The following LRRC4C variants were observed in gnomAD, a reference collection of about 807,000 sequenced individuals.
LRRC4C encodes leucine-rich repeat-containing protein 4C.
A neutral mutation model predicts 33.6 loss-of-function variants in LRRC4C; 5 were observed. That is an observed-to-expected ratio of 0.15 (90% CI 0.08 to 0.31). LRRC4C has a LOEUF of 0.31. LRRC4C is among the 10% of genes least tolerant of loss of function. The pLI is 1.00. For missense variants in LRRC4C, 560 were observed against 796.7 expected (o/e 0.70, Z 3.58); for synonymous variants, 329 against 302.0 (o/e 1.09, Z -0.93).
chr11:40,192,680 C>A (rs148268240), intron 5 of LRRC4C, among the ~76,000 whole-genome samples: 6 of 152,242 alleles, frequency 3.9e-5, no homozygotes, highest in African/African-American at 1.4e-4. Context: ...TCCCATGGAG[C>A]CCAACAAGCT....
chr11:40,340,153 C>T (rs1300110556), intron 3 of LRRC4C, among the ~76,000 whole-genome samples: 4 of 152,094 alleles, frequency 2.6e-5, no homozygotes, highest in African/African-American at 4.8e-5. Flanking sequence ...TGCCCAAGCA[C>T]GTGGTTATTT....
intron 1 of LRRC4C, among the ~76,000 whole-genome samples, chr11:41,260,891 A>G (rs1265697386): frequency 6.6e-6 from 1 of 152,124 alleles, no homozygotes; most frequent in African/African-American, 2.4e-5. Flanking sequence ...AGTATGTATA[A>G]GACATTATTA....
At chr11:40,809,851 C>A (rs932885849) in intron 2 of LRRC4C, among the ~76,000 whole-genome samples, 2 of 152,114 alleles carry the variant, frequency 1.3e-5, no homozygotes, top group African/African-American at 2.4e-5. Flanking sequence ...AATAGGAAGA[C>A]CTCATTTTGA....
chr11:41,359,397 A>G (rs1952271047), intron 1 of LRRC4C, among the ~76,000 whole-genome samples: 3 of 151,954 alleles, frequency 2.0e-5, no homozygotes, highest in Non-Finnish European at 4.4e-5. Flanking sequence ...CAAATGTACT[A>G]CTCGAGGGGG....
At position 40,279,571 on chromosome 11, in the gene LRRC4C, G is replaced by A. The variant is rs1450713388; in HGVS notation, c.-175-37973C>T. On this transcript the variant is annotated intron_variant, in intron 4 of 6. Transcript: ENST00000528697. ...AATAATAGCTTGAGTATTTCCATGTGCCAAGCACTTTGCTAAAAGTTCTAT... is the reference window on the plus strand; with the variant it reads ...AATAATAGCTTGAGTATTTCCATGTACCAAGCACTTTGCTAAAAGTTCTAT... Among the ~76,000 whole-genome samples the A allele has an allele frequency of 2.0e-5, 3 of 152,144 alleles. No individual in the cohort carries two copies. The East Asian group carries it at 5.8e-4, about 29-fold the overall frequency.
chr11:40,590,349 A>C (rs138155872), intron 3 of LRRC4C, among the ~76,000 whole-genome samples: 19,218 of 120,754 alleles, frequency 0.16, 1,949 homozygotes, highest in Middle Eastern at 0.21. Context: ...AAGCACTTCT[A>C]TGTATTGGTT....
chr11:41,380,069 G>A (rs956323595), intron 1 of LRRC4C, among the ~76,000 whole-genome samples: 2 of 152,216 alleles, frequency 1.3e-5, no homozygotes, highest in Non-Finnish European at 2.9e-5. Context: ...AAATTTTAAG[G>A]AGGTAAACTG....
intron 1 of LRRC4C, among the ~76,000 whole-genome samples, chr11:41,094,600 C>T (rs1414081426): frequency 6.6e-6 from 1 of 152,184 alleles, no homozygotes; most frequent in African/African-American, 2.4e-5. Flanking sequence ...GAATAGCTAT[C>T]TATTAACCCC....
intron 2 of LRRC4C, among the ~76,000 whole-genome samples, chr11:40,749,654 A>G (rs957340008): frequency 6.6e-6 from 1 of 151,860 alleles, no homozygotes; most frequent in Non-Finnish European, 1.5e-5. Flanking sequence ...AGACTAAAAA[A>G]AAAAAGGAAA....
intron 1 of LRRC4C, among the ~76,000 whole-genome samples, chr11:41,332,591 A>G (rs1270750689): frequency 2.0e-5 from 3 of 152,222 alleles, no homozygotes; most frequent in Non-Finnish European, 2.9e-5. Flanking sequence ...TGCTTATGAC[A>G]TATTCCAACA....
At chr11:40,419,358 A>G (rs1950441746) in intron 3 of LRRC4C, among the ~76,000 whole-genome samples, 1 of 152,182 alleles carries the variant, frequency 6.6e-6, no homozygotes, top group Admixed American at 6.5e-5. Context: ...AGACAATCAT[A>G]ATCAAATTGT....
intron 5 of LRRC4C, among the ~76,000 whole-genome samples, chr11:40,161,188 G>A (rs995284475): frequency 1.3e-5 from 2 of 152,164 alleles, no homozygotes; most frequent in African/African-American, 2.4e-5. Flanking sequence ...TCAATATCAC[G>A]ACTAAAATAA....
At chr11:41,139,313 C>A (rs1193943528) in intron 1 of LRRC4C, among the ~76,000 whole-genome samples, 1 of 152,054 alleles carries the variant, frequency 6.6e-6, no homozygotes, top group Non-Finnish European at 1.5e-5. Context: ...CAAGCTATGC[C>A]TTTCTTCATA....
intron 1 of LRRC4C, among the ~76,000 whole-genome samples, chr11:41,371,362 T>C (rs113395260): frequency 1.9e-4 from 29 of 152,376 alleles, no homozygotes; most frequent in African/African-American, 7.0e-4. Context: ...CTTTCACTTA[T>C]ATTAGAAGGC....
intron 2 of LRRC4C, among the ~76,000 whole-genome samples, chr11:40,903,039 A>C (rs750904273): frequency 6.6e-6 from 1 of 152,228 alleles, no homozygotes; most frequent in African/African-American, 2.4e-5. Flanking sequence ...AGAAGATGCC[A>C]TCTAGGACTT....
At chr11:40,394,522 T>A (rs779336162) in intron 3 of LRRC4C, among the ~76,000 whole-genome samples, 10 of 152,158 alleles carry the variant, frequency 6.6e-5, no homozygotes, top group Non-Finnish European at 1.3e-4. Flanking sequence ...CTCAGATTGC[T>A]GCTCAGACTT....
At chr11:40,740,854 C>T (rs1023749696) in intron 2 of LRRC4C, among the ~76,000 whole-genome samples, 4 of 151,960 alleles carry the variant, frequency 2.6e-5, no homozygotes, top group Non-Finnish European at 5.9e-5. Flanking sequence ...ATGTGAATAA[C>T]CAATTTGTCC....
chr11:41,316,922 G>A (rs1457737687), intron 1 of LRRC4C, among the ~76,000 whole-genome samples: 1 of 152,200 alleles, frequency 6.6e-6, no homozygotes, highest in African/African-American at 2.4e-5. Context: ...TGCTGGATAT[G>A]CAGAGTCAGA....
intron 1 of LRRC4C, among the ~76,000 whole-genome samples, chr11:41,333,066 G>A (rs1013906296): frequency 6.6e-6 from 1 of 152,086 alleles, no homozygotes; most frequent in African/African-American, 2.4e-5. Context: ...GTTTTTGAAG[G>A]GGAAACACTT....
Sources: gnomAD v4.1 joint callset for allele counts (sites outside exome capture counted in the v4.1 genomes callset) on GRCh38, gnomAD v4.1.1 for gene constraint, MANE v1.5 for transcripts, NCBI Gene and HGNC (gene_info 2026-07-23, HGNC 2026-07-21) for gene names.